The following STAG3 variants were observed in gnomAD, a reference collection of about 807,000 sequenced individuals.
The protein encoded by STAG3 is cohesin subunit SA-3.
A neutral mutation model predicts 160.7 loss-of-function variants in STAG3; 101 were observed. The observed-to-expected ratio is 0.63, with a 90% CI of 0.54 to 0.74. The LOEUF is 0.74. Ranked by LOEUF, STAG3 falls within the 30% of genes least tolerant of loss-of-function variation. The probability of loss-of-function intolerance (pLI) is 0.00; values close to 1 mark genes in which losing one functional copy is unlikely to be tolerated. For synonymous variants in STAG3, 519 were observed against 585.0 expected, an observed-to-expected ratio of 0.89 and a Z score of 1.63; for missense variants, 1,188 against 1,517.4, an observed-to-expected ratio of 0.78 and a Z score of 3.61.
intron 9 of STAG3, among the ~76,000 whole-genome samples, chr7:100,196,630 A>T (rs1338445058): frequency 6.6e-6 from 1 of 152,164 alleles, no homozygotes; most frequent in Non-Finnish European, 1.5e-5. Flanking sequence ...CGTCTCTACT[A>T]AAAATACAAA....
rs191290335 is a variant in STAG3, at chr7:100,198,764, G to T, written c.1353-79G>T. 9.6e-6 allele frequency: 13 copies of T among 1,352,520 alleles called. No individual in the cohort carries two copies. In the East Asian group the frequency reaches 3.0e-4, roughly 31 times the overall value. 83.8% of individuals were successfully genotyped at this position (1,352,520 alleles called of 1,614,324 possible). Reference sequence around the variant, plus strand: ...TCCTTTTCCTTTATCATCTCCTTGGGCCATCTCCTCCCTCTGTGGTCGTTA... The same window carrying T: ...TCCTTTTCCTTTATCATCTCCTTGGTCCATCTCCTCCCTCTGTGGTCGTTA... On this transcript the variant is annotated intron_variant, in intron 13 of 33. Coordinates refer to ENST00000615138, the MANE Select transcript of STAG3 (RefSeq NM_001282717.2).
chr7:100,181,835 A>G (rs1294358163), intron 2 of STAG3, among the ~76,000 whole-genome samples: 2 of 141,922 alleles, frequency 1.4e-5, no homozygotes, highest in Admixed American at 1.5e-4. Flanking sequence ...TGGGAGGCGG[A>G]GGTTGCAGTG....
At position 100,189,468 on chromosome 7, in the gene STAG3, G is replaced by A; in HGVS notation, c.739G>A (p.Val247Ile). The stretch of plus-strand genomic sequence containing the variant: ...AGCTATGAAACTGATGACCTCCCTG[G>A]TAAAAGTTGCCCTCCAACTGAGTGT... ...LAAMKLMTSL[V>I]KVALQLSVHQ... Residue 247 changes from valine (V) to isoleucine (I), a missense_variant, in exon 8 of 34, where the codon GTA (valine) becomes ATA (isoleucine). Around this residue, in one of 4 missense-constraint regions of STAG3, gnomAD observed 296 missense variants for 404.0 expected, o/e 0.73. Coordinates refer to ENST00000615138, the MANE Select transcript of STAG3 (RefSeq NM_001282717.2). The A allele has an allele frequency of 1.9e-6, 3 of 1,613,488 alleles. No individual in the cohort carries two copies. Among genetic ancestry groups the A allele is most frequent in the South Asian group, 2.2e-5 (2 of 90,974 alleles).
intron 3 of STAG3, 132 bp downstream of exon 3, chr7:100,182,324 A>G (rs1171060874): frequency 4.7e-6 from 3 of 636,934 alleles, no homozygotes; most frequent in Non-Finnish European, 8.1e-6. Flanking sequence ...GCGCCCCTGC[A>G]CTCTAGCCTG....
rs777525062 is a variant in STAG3, at chr7:100,211,859, C to T, written c.3583C>T (p.Arg1195Trp). The change falls in exon 32 of 34, where the codon CGG (arginine) becomes TGG (tryptophan). Residue 1195 changes from arginine (R) to tryptophan (W), a missense_variant. Arg to Trp is a moderately radical substitution (Grantham distance 101). Transcript: ENST00000615138. ...LEIQDESNEE[R>W]QDTDMQASSY... Reference sequence around the variant, plus strand: ...AATCCAGGATGAGTCAAATGAAGAACGGCAGGATACAGACATGGTGAGTAG... The same window carrying T: ...AATCCAGGATGAGTCAAATGAAGAATGGCAGGATACAGACATGGTGAGTAG... 3.2e-5 allele frequency: 52 copies of T among 1,613,944 alleles called. No individual in the cohort carries two copies. Among genetic ancestry groups the T allele is most frequent in the East Asian group, 6.7e-5 (3 of 44,894 alleles).
chr7:100,188,340 C>A, intron 5 of STAG3, 113 bp from the exon 6 acceptor site: 1 of 806,524 alleles, frequency 1.2e-6, no homozygotes, highest in Non-Finnish European at 2.2e-6. Flanking sequence ...TCTTCTCATT[C>A]CCCACCTAAG....
At chr7:100,213,642 T>C in intron 32 of STAG3, 93 bp from the exon 33 acceptor site, 1 of 1,595,254 alleles carries the variant, frequency 6.3e-7, no homozygotes, top group Non-Finnish European at 8.5e-7. Flanking sequence ...CCATATTTGT[T>C]CTTATGAGGC....
chr7:100,206,374 A>G (rs1284608867), intron 29 of STAG3, among the ~76,000 whole-genome samples: 1 of 152,176 alleles, frequency 6.6e-6, no homozygotes, highest in East Asian at 1.9e-4. Flanking sequence ...ACATTGTAGC[A>G]ATCATTATTT....
chr7:100,209,789 G>A (rs1802007585), intron 29 of STAG3, among the ~76,000 whole-genome samples: 1 of 152,190 alleles, frequency 6.6e-6, no homozygotes, highest in African/African-American at 2.4e-5. Context: ...AACTGGATGT[G>A]GGATGTAAGA....
At chr7:100,200,724 T>A in intron 18 of STAG3, 45 bp from the exon 19 acceptor site, 1 of 1,602,498 alleles carries the variant, frequency 6.2e-7, no homozygotes, top group Non-Finnish European at 8.5e-7. Context: ...AAGAGTGTCC[T>A]CCTCCCATCC....
intron 25 of STAG3, among the ~76,000 whole-genome samples, chr7:100,203,231 C>G (rs1801307705): frequency 6.7e-6 from 1 of 149,330 alleles, no homozygotes; most frequent in Admixed American, 6.8e-5. Flanking sequence ...TGTCGCCAGG[C>G]TAGAATGCAA....
chr7:100,208,298 G>C (rs1168250224), intron 29 of STAG3, among the ~76,000 whole-genome samples: 1 of 152,118 alleles, frequency 6.6e-6, no homozygotes, highest in East Asian at 1.9e-4. Flanking sequence ...ATACATAGTT[G>C]TTAGGGACCT....
At chr7:100,199,665 G>A (rs1161271802) in intron 16 of STAG3, 21 bp downstream of exon 16, 2 of 1,543,064 alleles carry the variant, frequency 1.3e-6, no homozygotes, top group East Asian at 4.5e-5. Context: ...AGGGTAGAGT[G>A]GGTAGGTCAG....
intron 8 of STAG3, among the ~76,000 whole-genome samples, chr7:100,193,449 T>C (rs1409620243): frequency 2.6e-5 from 4 of 152,226 alleles, no homozygotes; most frequent in Non-Finnish European, 5.9e-5. Context: ...TTTCCAATTA[T>C]AAGGCAGTTT....
At chr7:100,180,967 C>T (rs182867100) in intron 2 of STAG3, 6 of 254,030 alleles carry the variant, frequency 2.4e-5, no homozygotes, top group Admixed American at 5.1e-5. Flanking sequence ...GCAACCTCCG[C>T]CTCCTGGGTT....
chr7:100,213,627 T>C lies in STAG3; in HGVS notation c.3601-108T>C, dbSNP rs562115527. On this transcript the variant is annotated intron_variant, in intron 32 of 33. Coordinates refer to ENST00000615138, the MANE Select transcript of STAG3 (RefSeq NM_001282717.2). ...CCCAGGAGGTGCCATAGGGGCCTGC[T>C]GTGCCCATATTTGTTCTTATGAGGC... The C allele has an allele frequency of 3.8e-6, 6 of 1,571,836 alleles. No homozygotes were observed. In the South Asian group the frequency reaches 4.7e-5, roughly 12 times the overall value.
Position 100,211,492 on chromosome 7 carries a change from G to A in STAG3, c.3471G>A (p.Gln1157=). 1 of 1,613,566 alleles carries A rather than the reference G, an allele frequency of 6.2e-7. No individual in the cohort carries two copies. Among genetic ancestry groups the A allele is most frequent in the Non-Finnish European group, 8.5e-7 (1 of 1,179,958 alleles). ...RSRFLGPQYF[Q]TPHNPSGPGL... ...GGTTCTTGGGTCCACAATATTTCCA[G>A]ACTCCACACAACCCTTCAGGTCCTG... is the stretch of plus-strand genomic sequence containing the variant. Residue 1157 remains glutamine (Q), a synonymous_variant, in exon 31 of 34, where the codon CAG becomes CAA. Coordinates refer to ENST00000615138, the MANE Select transcript of STAG3 (RefSeq NM_001282717.2).
chr7:100,205,043 C>T lies in STAG3; in HGVS notation c.2990C>T (p.Ala997Val), dbSNP rs1801510047. 6.2e-7 allele frequency: 1 copy of T among 1,614,040 alleles called. No individual in the cohort carries two copies. The highest frequency in any genetic ancestry group is 1.1e-5 in the South Asian group (1 of 91,090). The change falls in exon 28 of 34, where the codon GCT (alanine) becomes GTT (valine). Residue 997 changes from alanine (A) to valine (V), a missense_variant. Physicochemically the swap from Ala to Val is moderately conservative, Grantham distance 64. Around this residue, in one of 4 missense-constraint regions of STAG3, gnomAD observed 647 missense variants for 717.2 expected, o/e 0.90. Coordinates refer to ENST00000615138, the MANE Select transcript of STAG3 (RefSeq NM_001282717.2). ...IQFSLSELPPAGSSNQPPNLA... is the reference protein window; with the variant it reads ...IQFSLSELPPVGSSNQPPNLA... ...TTCTCCTTGTCTGAGCTTCCTCCAG[C>T]TGGCTCCTCCAATCAGCCTCCAAAT... is the stretch of plus-strand genomic sequence containing the variant.
downstream of STAG3, among the ~76,000 whole-genome samples, chr7:100,216,231 GC>G (rs1802739064): frequency 6.6e-6 from 1 of 152,276 alleles, no homozygotes; most frequent in Admixed American, 6.5e-5. Context: ...TTGTTATGTA[GC>G]CATAGCAACC....
Sources: gnomAD v4.1 joint callset for allele counts (sites outside exome capture counted in the v4.1 genomes callset) on GRCh38, gnomAD v4.1.1 for gene constraint, gnomAD v4.1.1 regional missense constraint, MANE v1.5 for transcripts, NCBI Gene and HGNC (gene_info 2026-07-23, HGNC 2026-07-21) for gene names.